The following FECH variants were observed in gnomAD, a reference collection of about 807,000 sequenced individuals.
The protein encoded by FECH is ferrochelatase, mitochondrial.
In FECH, 40 loss-of-function variants were observed where a neutral mutation model predicts 56.9. That is an observed-to-expected ratio of 0.70 (90% confidence interval 0.55 to 0.92). FECH has a LOEUF of 0.92. Among genes scored for constraint, FECH ranks in the 40% least tolerant of loss-of-function variants. The pLI is 0.00. For synonymous variants in FECH, 175 were observed against 198.6 expected (o/e 0.88, Z 1.00); for missense variants, 431 against 529.1 (o/e 0.81, Z 1.82).
At chr18:57,554,558 T>G in intron 8 of FECH, 134 bp from the exon 9 acceptor site, 1 of 966,748 alleles carries the variant, frequency 1.0e-6, no homozygotes, top group Non-Finnish European at 1.6e-6. Flanking sequence ...TGAATGGATT[T>G]TGATATTTTC....
At position 57,546,959 on chromosome 18, in the gene FECH, C is replaced by T. The variant is rs1244590146; in HGVS notation, c.*3753G>A. Among the ~76,000 whole-genome samples, 3 of 112,974 alleles carry T rather than the reference C, an allele frequency of 2.7e-5. No homozygotes were observed. Among genetic ancestry groups the T allele is most frequent in the African/African-American group, 7.0e-5 (2 of 28,704 alleles). The allele number at this position is 112,974 out of a possible 152,430, so 74.1% of individuals were successfully genotyped here. A position where few individuals can be genotyped will look rare whatever the true frequency, so the allele number is the denominator to read the frequency against. On this transcript the variant is annotated 3_prime_UTR_variant, in exon 11 of 11. Coordinates refer to ENST00000262093, the MANE Select transcript of FECH (RefSeq NM_000140.5). ...TGGGCAACAGAGCGAGACTCCATCT[C>T]AAAAAAAAAAAAAAAAAATTTAAGG... is the stretch of plus-strand genomic sequence containing the variant.
intron 5 of FECH, among the ~76,000 whole-genome samples, chr18:57,564,931 G>A (rs1410677020): frequency 1.3e-5 from 2 of 152,228 alleles, no homozygotes; most frequent in Non-Finnish European, 2.9e-5. Flanking sequence ...AATAGTGCCA[G>A]TCTAAAAGAT....
chr18:57,573,426 C>CTCT (rs1391770177), intron 2 of FECH, 61 bp from the exon 3 acceptor site: 8 of 1,600,122 alleles, frequency 5.0e-6, no homozygotes, highest in Non-Finnish European at 6.8e-6. Flanking sequence ...CCAGGGTGGA[C>CTCT]TCTTGGTTCA....
At chr18:57,553,652 C>G (rs1020409865) in intron 9 of FECH, among the ~76,000 whole-genome samples, 1 of 152,252 alleles carries the variant, frequency 6.6e-6, no homozygotes, top group African/African-American at 2.4e-5. Flanking sequence ...ACATCTATCT[C>G]ATATTACAAG....
At chr18:57,550,937 C>G in intron 10 of FECH, 91 bp from the exon 11 acceptor site, 1 of 1,564,430 alleles carries the variant, frequency 6.4e-7, no homozygotes, top group Non-Finnish European at 8.7e-7. Context: ...GGTCAGCGCT[C>G]TGGCTTGGGG....
At chr18:57,557,349 C>T (rs2122261910) in intron 7 of FECH, among the ~76,000 whole-genome samples, 1 of 152,246 alleles carries the variant, frequency 6.6e-6, no homozygotes, top group African/African-American at 2.4e-5. Flanking sequence ...AATGTCCTCC[C>T]CATACCTGAC....
chr18:57,574,274 C>A (rs1014055360), intron 2 of FECH, among the ~76,000 whole-genome samples: 1 of 152,170 alleles, frequency 6.6e-6, no homozygotes, highest in East Asian at 1.9e-4. Context: ...CAGGTGTGAG[C>A]CACCACACCA....
rs1294055886 is a variant in FECH, at chr18:57,549,551, CAT to C, written c.*1159_*1160del. On this transcript the variant is annotated 3_prime_UTR_variant, in exon 11 of 11. Transcript: ENST00000262093. ...ATCTTTTAATCCATTTAAATACAAA[CAT>C]AGAAGATCAGACTCTGATCTGACAT... 6.8e-6 allele frequency: 1 copy of C among 146,730 alleles called. No individual in the cohort carries two copies. Among genetic ancestry groups the C allele is most frequent in the Non-Finnish European group, 1.5e-5 (1 of 65,822 alleles). The allele number at this position is 146,730 out of a possible 1,614,324, so 9.1% of individuals were successfully genotyped here. A position where few individuals can be genotyped will look rare whatever the true frequency, so the allele number is the denominator to read the frequency against.
chr18:57,586,204 A>C (rs1262631467), intron 1 of FECH, among the ~76,000 whole-genome samples: 1 of 152,190 alleles, frequency 6.6e-6, no homozygotes, highest in Non-Finnish European at 1.5e-5. Flanking sequence ...CCTCTATGGC[A>C]GGCCCATAAC....
Position 57,566,298 on chromosome 18 carries a change from G to A in FECH, c.598+149C>T, listed in dbSNP as rs909740599. ...CAGATGGACCATGAGATTTCAAATG[G>A]ACTGACCTGAACTCTCGTGTTTAAA... is the stretch of plus-strand genomic sequence containing the variant. On this transcript the variant is annotated intron_variant, in intron 5 of 10. Transcript: ENST00000262093. 4 of 1,056,402 alleles carry A rather than the reference G, an allele frequency of 3.8e-6. No individual in the cohort carries two copies. The Admixed American group carries it at 7.4e-5, about 20-fold the overall frequency. 65.4% of individuals were successfully genotyped at this position (1,056,402 alleles called of 1,614,324 possible).
At chr18:57,557,447 A>G (rs1426981370) in intron 7 of FECH, among the ~76,000 whole-genome samples, 3 of 152,090 alleles carry the variant, frequency 2.0e-5, no homozygotes, top group Non-Finnish European at 2.9e-5. Flanking sequence ...TCCCCAGGTG[A>G]AAGAATAAGG....
At position 57,564,035 on chromosome 18, in the gene FECH, C is replaced by T. The variant is rs1048280916; in HGVS notation, c.599-1055G>A. On this transcript the variant is annotated intron_variant, in intron 5 of 10. Coordinates refer to ENST00000262093, the MANE Select transcript of FECH (RefSeq NM_000140.5). Reference sequence around the variant, plus strand: ...CTGGGATTACAGGTATATGCCACTACGCCTGGCTAATTTTTTACTTTTAGT... The same window carrying T: ...CTGGGATTACAGGTATATGCCACTATGCCTGGCTAATTTTTTACTTTTAGT... Among the ~76,000 whole-genome samples, 9 of 152,076 alleles carry T rather than the reference C, an allele frequency of 5.9e-5. 1 individual carries two copies. The highest frequency in any genetic ancestry group is 2.1e-4 in the South Asian group (1 of 4,828).
At chr18:57,565,133 TG>T (rs1229189943) in intron 5 of FECH, among the ~76,000 whole-genome samples, 1 of 152,238 alleles carries the variant, frequency 6.6e-6, no homozygotes, top group Non-Finnish European at 1.5e-5. Context: ...GTCAATCTTC[TG>T]TCATGTAAAT....
chr18:57,586,553 C>A lies in FECH; in HGVS notation c.67+1G>T. 1 of 1,521,684 alleles carries A rather than the reference C, an allele frequency of 6.6e-7. No homozygotes were observed. Among genetic ancestry groups the A allele is most frequent in the Non-Finnish European group, 8.8e-7 (1 of 1,141,154 alleles). 94.3% of individuals were successfully genotyped at this position (1,521,684 alleles called of 1,614,324 possible). Reference sequence around the variant, plus strand: ...GCGGCCGCCGCGACAGACCCACTTACGCGGATCGCGGAGCAGGACGCCCGC... The same window carrying A: ...GCGGCCGCCGCGACAGACCCACTTAAGCGGATCGCGGAGCAGGACGCCCGC... On this transcript the variant is annotated splice_donor_variant, in intron 1 of 10. Coordinates refer to ENST00000262093, the MANE Select transcript of FECH (RefSeq NM_000140.5). LOFTEE classifies it high-confidence loss of function.
intron 1 of FECH, among the ~76,000 whole-genome samples, chr18:57,584,690 A>G (rs1457840648): frequency 6.6e-6 from 1 of 151,938 alleles, no homozygotes; most frequent in African/African-American, 2.4e-5. Flanking sequence ...ATAAGGTTCT[A>G]TATTATAACT....
At chr18:57,586,372 G>A (rs1475706784) in intron 1 of FECH, among the ~76,000 whole-genome samples, 182 bp downstream of exon 1, 3 of 151,986 alleles carry the variant, frequency 2.0e-5, no homozygotes, top group African/African-American at 2.4e-5. Context: ...GCGGCCTCCC[G>A]AGCCCTGAGT....
At position 57,544,649 on chromosome 18, in the gene FECH, T is replaced by C. The variant is rs542098625; in HGVS notation, c.*6063A>G. On this transcript the variant is annotated 3_prime_UTR_variant, in exon 11 of 11. Coordinates refer to ENST00000262093, the MANE Select transcript of FECH (RefSeq NM_000140.5). ...ATGAAACAACTTCTTTGTATGCCAA[T>C]ACTTCACTTGGATAAGTTGAATAAT... 2.6e-5 allele frequency among the ~76,000 whole-genome samples: 4 copies of C among 152,370 alleles called. No homozygotes were observed. Among genetic ancestry groups the C allele is most frequent in the South Asian group, 2.1e-4 (1 of 4,830 alleles).
At chr18:57,579,247 A>C (rs1258105772) in intron 2 of FECH, among the ~76,000 whole-genome samples, 1 of 147,170 alleles carries the variant, frequency 6.8e-6, no homozygotes, top group East Asian at 2.0e-4. Flanking sequence ...GACTCTCTCA[A>C]AAAAAAAAAA....
At position 57,551,624 on chromosome 18, in the gene FECH, G is replaced by A. The variant is rs149214350; in HGVS notation, c.1078-250C>T. Among the ~76,000 whole-genome samples, 4 of 152,252 alleles carry A rather than the reference G, an allele frequency of 2.6e-5. No homozygotes were observed. The East Asian group carries it at 7.7e-4, about 29-fold the overall frequency. On this transcript the variant is annotated intron_variant, in intron 9 of 10. Coordinates refer to ENST00000262093, the MANE Select transcript of FECH (RefSeq NM_000140.5). ...CTTCCCCATTACCTTCCTAAAGGTG[G>A]TTTGTTTGCAAATCCTTTTTGTGGT... is the stretch of plus-strand genomic sequence containing the variant.
Sources: gnomAD v4.1 joint callset for allele counts (sites outside exome capture counted in the v4.1 genomes callset) on GRCh38, gnomAD v4.1.1 for gene constraint, MANE v1.5 for transcripts, NCBI Gene and HGNC (gene_info 2026-07-23, HGNC 2026-07-21) for gene names.